Variants in CFAP96 observed in about 807,000 individuals in gnomAD.
CFAP96 encodes the protein cilia and flagella associated protein 96.
the CFAP96 span, among the ~76,000 whole-genome samples, chr4:185,435,526 G>A: frequency 1.3e-5 from 2 of 152,176 alleles, no homozygotes; most frequent in Non-Finnish European, 2.9e-5. Flanking sequence ...TAGATACTGT[G>A]TGCCCAGAAA....
chr4:185,426,608 C>T, the CFAP96 span, among the ~76,000 whole-genome samples: 1 of 152,248 alleles, frequency 6.6e-6, no homozygotes, highest in Non-Finnish European at 1.5e-5. Context: ...TTGTAAGCTC[C>T]TTGCGGGCAG....
At chr4:185,435,948 T>C in the CFAP96 span, 11 of 921,726 alleles carry the variant, frequency 1.2e-5, no homozygotes, top group Non-Finnish European at 1.7e-5. Context: ...AGCATTTTTT[T>C]CTCTTTTTTT....
the CFAP96 span, among the ~76,000 whole-genome samples, chr4:185,430,928 C>G: frequency 6.7e-6 from 1 of 148,320 alleles, no homozygotes; most frequent in African/African-American, 2.5e-5. Context: ...CTCAGTGATA[C>G]TGGCCAGGCG....
chr4:185,436,500 A>G, the CFAP96 span: 1 of 567,690 alleles, frequency 1.8e-6, no homozygotes. Context: ...TCACGAGGTC[A>G]GGAGTTCGAG....
At chr4:185,438,880 G>T in the CFAP96 span, among the ~76,000 whole-genome samples, 2 of 152,274 alleles carry the variant, frequency 1.3e-5, no homozygotes, top group South Asian at 4.1e-4. Context: ...CACAGCTGAT[G>T]GCAACCACCA....
chr4:185,429,343 A>G, the CFAP96 span: 18 of 857,498 alleles, frequency 2.1e-5, no homozygotes, highest in Non-Finnish European at 3.1e-5. Context: ...GGACTTTGCT[A>G]TAAAACACGT....
At chr4:185,443,342 A>ATATATATATATATATATATATTTTT in the CFAP96 span, among the ~76,000 whole-genome samples, 2 of 26,722 alleles carry the variant, frequency 7.5e-5, no homozygotes, top group African/African-American at 2.3e-4. Flanking sequence ...ATATATATAT[A>ATATATATATATATATATATATTTTT]TTTTTTTTTT....
the CFAP96 span, chr4:185,425,923 C>A: frequency 6.4e-7 from 1 of 1,567,532 alleles, no homozygotes; most frequent in Non-Finnish European, 8.6e-7. Flanking sequence ...GTTCCGGGGG[C>A]CGGCCCTGAA....
the CFAP96 span, chr4:185,445,676 G>C: frequency 7.1e-6 from 4 of 565,906 alleles, no homozygotes; most frequent in African/African-American, 7.8e-5. Flanking sequence ...AACTGAAAAA[G>C]TTCTTTGGAG....
the CFAP96 span, chr4:185,415,795 T>G: frequency 1.2e-5 from 19 of 1,613,692 alleles, no homozygotes; most frequent in African/African-American, 2.4e-4. Context: ...CCGCTTTCCC[T>G]TTCAATGATG....
chr4:185,432,285 C>CTTA, the CFAP96 span: 1 of 1,029,226 alleles, frequency 9.7e-7, no homozygotes, highest in Admixed American at 2.8e-5. Flanking sequence ...GTAGGACTTA[C>CTTA]TTATGTAAGA....
chr4:185,431,946 G>C, the CFAP96 span: 2 of 1,462,630 alleles, frequency 1.4e-6, no homozygotes, highest in African/African-American at 1.4e-5. Context: ...TTGCTAGTCA[G>C]CTCAAAATTA....
chr4:185,433,878 G>A, the CFAP96 span, among the ~76,000 whole-genome samples: 2 of 151,976 alleles, frequency 1.3e-5, no homozygotes, highest in East Asian at 3.9e-4. Flanking sequence ...CTCCAGCCTG[G>A]GCGACAGAGA....
chr4:185,418,069 A>ACACACACACAC, the CFAP96 span, among the ~76,000 whole-genome samples: 193 of 22,780 alleles, frequency 8.5e-3, no homozygotes, highest in African/African-American at 0.034. Context: ...CACACACACA[A>ACACACACACAC]ACAACAGAAC....
At chr4:185,428,382 T>C in the CFAP96 span, among the ~76,000 whole-genome samples, 1 of 152,080 alleles carries the variant, frequency 6.6e-6, no homozygotes, top group African/African-American at 2.4e-5. Context: ...GAGACCAGCC[T>C]GGCCAACATA....
chr4:185,425,901 G>C, the CFAP96 span: 1 of 1,586,962 alleles, frequency 6.3e-7, no homozygotes, highest in African/African-American at 1.3e-5. Flanking sequence ...GGGCGCTGAC[G>C]CCTGCCCAAA....
the CFAP96 span, among the ~76,000 whole-genome samples, chr4:185,447,480 G>A: frequency 2.0e-5 from 3 of 151,982 alleles, no homozygotes; most frequent in South Asian, 2.1e-4. Context: ...ACGCCCGGCC[G>A]ATTTTATATT....
chr4:185,411,252 AAACT>A, the CFAP96 span, among the ~76,000 whole-genome samples: 6 of 152,038 alleles, frequency 3.9e-5, no homozygotes, highest in Non-Finnish European at 7.4e-5. Flanking sequence ...GCTGTTACCA[AAACT>A]AAATTGGTTA....
chr4:185,428,324 A>G, the CFAP96 span, among the ~76,000 whole-genome samples: 1 of 152,120 alleles, frequency 6.6e-6, no homozygotes, highest in Non-Finnish European at 1.5e-5. Context: ...CTGTAATCCC[A>G]GCGCTTTGGG....
Sources: allele counts gnomAD v4.1 joint callset (sites outside exome capture counted in the v4.1 genomes callset), GRCh38; gene constraint gnomAD v4.1.1; transcripts MANE v1.5; gene names NCBI Gene and HGNC (gene_info 2026-07-23, HGNC 2026-07-21).